The following CCND2 variants were observed in gnomAD, a reference collection of about 807,000 sequenced individuals.
CCND2 encodes the protein cyclin D2.
A neutral mutation model predicts 30.2 loss-of-function variants in CCND2; 6 were observed. The observed-to-expected ratio is 0.20, with a 90% CI of 0.11 to 0.39. The LOEUF (loss-of-function observed/expected upper bound fraction) is 0.39. Among genes scored for constraint, CCND2 ranks in the 10% least tolerant of loss-of-function variants. The probability of loss-of-function intolerance (pLI) is 1.00; values close to 1 mark genes in which losing one functional copy is unlikely to be tolerated. For synonymous variants in CCND2, 150 were observed against 153.1 expected (o/e 0.98, Z 0.15); for missense variants, 235 against 373.4 (o/e 0.63, Z 3.06).
intron 4 of CCND2, chr12:4,297,750 C>T: frequency 3.0e-6 from 1 of 335,582 alleles, no homozygotes; most frequent in Non-Finnish European, 6.3e-6. Flanking sequence ...TATCGTCATT[C>T]ATTCAGCTCA....
intron 4 of CCND2, among the ~76,000 whole-genome samples, chr12:4,290,330 C>T (rs3217863): frequency 0.098 from 14,909 of 152,182 alleles, 1,444 homozygotes; most frequent in East Asian, 0.31. Flanking sequence ...TCCAAACATA[C>T]GCTTTTTAAA....
At chr12:4,298,006 A>G in intron 4 of CCND2, 1 of 245,388 alleles carries the variant, frequency 4.1e-6, no homozygotes, top group Non-Finnish European at 8.8e-6. Flanking sequence ...GCGAATCTAT[A>G]CCTCATTTCA....
At position 4,276,229 on chromosome 12, in the gene CCND2, C is replaced by T. The variant is rs745404167; in HGVS notation, c.411+9C>T. The T allele has an allele frequency of 1.7e-5, 27 of 1,608,578 alleles. No individual in the cohort carries two copies. The highest frequency in any genetic ancestry group is 2.3e-5 in the Non-Finnish European group (27 of 1,175,662). The stretch of plus-strand genomic sequence containing the variant: ...AGCCTCAGGAGCTGCTGGTAATGAC[C>T]GGCCCCTTCCTCCCTTCCTTTCTGC... On this transcript the variant is annotated intron_variant, in intron 2 of 4. Transcript: ENST00000261254. This position sits in a 1 kb window ranked among gnomAD's most constrained non-coding sequence, Gnocchi z 4.8.
rs1428596578 is a variant in CCND2 at position 4,293,910 on chromosome 12, T to C, written c.720+4920T>C. On this transcript the variant is annotated intron_variant, in intron 4 of 4. Coordinates refer to ENST00000261254, the MANE Select transcript of CCND2 (RefSeq NM_001759.4). The surrounding 1 kb of genome is among the most constrained non-coding windows in gnomAD (Gnocchi z 4.9). The stretch of plus-strand genomic sequence containing the variant: ...GGGGAGGTGGAATAGAATCGGGGGC[T>C]GATGCCTCCCTCTCCTGCCTCATTT... Among the ~76,000 whole-genome samples, 1 of 152,172 alleles carries C rather than the reference T, an allele frequency of 6.6e-6. No individual in the cohort carries two copies. Among genetic ancestry groups the C allele is most frequent in the African/African-American group, 2.4e-5 (1 of 41,440 alleles).
At chr12:4,283,364 C>T (rs3217830) in intron 3 of CCND2, among the ~76,000 whole-genome samples, 41,545 of 152,048 alleles carry the variant, frequency 0.27, 6,376 homozygotes, top group Middle Eastern at 0.47. Flanking sequence ...CCACTTCCGA[C>T]GTGAAAGGCT....
rs1009957078 is a variant in CCND2, at chr12:4,302,603, G to A, written c.*2594G>A. The A allele has an allele frequency of 1.3e-5, 3 of 233,090 alleles. No individual in the cohort carries two copies. The highest frequency in any genetic ancestry group is 2.5e-5 in the Non-Finnish European group (3 of 118,048). The allele number at this position is 233,090 out of a possible 1,614,324, so 14.4% of individuals were successfully genotyped here. A position where few individuals can be genotyped will look rare whatever the true frequency, so the allele number is the denominator to read the frequency against. On this transcript the variant is annotated 3_prime_UTR_variant, in exon 5 of 5. Coordinates refer to ENST00000261254, the MANE Select transcript of CCND2 (RefSeq NM_001759.4). ...TTCTCCCTCCTCTGTCTCAAACTGC[G>A]CAGGCAAGCACTATGCAAGCCCAGG...
At chr12:4,294,187 G>T (rs1156407972) in intron 4 of CCND2, among the ~76,000 whole-genome samples, 2 of 151,754 alleles carry the variant, frequency 1.3e-5, no homozygotes, top group Admixed American at 6.6e-5. Context: ...CGCGGAGCTC[G>T]AGCCAGCAAG....
intron 1 of CCND2, 71 bp from the exon 2 acceptor site, chr12:4,275,934 A>T (rs1440686721): frequency 2.1e-6 from 2 of 968,650 alleles, no homozygotes; most frequent in Non-Finnish European, 3.1e-6. Context: ...ACGCTTTTTT[A>T]TTCTTTTTCT....
At position 4,285,928 on chromosome 12, in the gene CCND2, GT is replaced by G. The variant is rs1864017018; in HGVS notation, c.572-2913del. 6.6e-6 allele frequency among the ~76,000 whole-genome samples: 1 copy of G among 152,154 alleles called. No homozygotes were observed. The highest frequency in any genetic ancestry group is 2.4e-5 in the African/African-American group (1 of 41,444). The stretch of plus-strand genomic sequence containing the variant: ...GGCTGCTTTGTGAATTTGCCGGCTG[GT>G]AGACACCGTGATCCATTCTATTGTC... On this transcript the variant is annotated intron_variant, in intron 3 of 4. Coordinates refer to ENST00000261254, the MANE Select transcript of CCND2 (RefSeq NM_001759.4). The surrounding 1 kb of genome is among the most constrained non-coding windows in gnomAD (Gnocchi z 4.1).
chr12:4,295,717 C>T (rs1864160246), intron 4 of CCND2, among the ~76,000 whole-genome samples: 1 of 152,178 alleles, frequency 6.6e-6, no homozygotes, highest in Non-Finnish European at 1.5e-5. Context: ...GTGGAGGTTG[C>T]AGTGAGCCGA....
intron 2 of CCND2, among the ~76,000 whole-genome samples, chr12:4,278,327 A>G (rs1863901007): frequency 6.6e-6 from 1 of 152,182 alleles, no homozygotes; most frequent in Non-Finnish European, 1.5e-5. Flanking sequence ...TTCCATGAAG[A>G]TTAAAAAGAC....
rs759422106 is a variant in CCND2 at position 4,273,991 on chromosome 12, C to T, written c.-50C>T. Reference sequence around the variant, plus strand: ...TTCCAAAAAACAAAAACAGAAAAACCTTTTTCCAGGCCGGGGAAAGCAGGA... The same window carrying T: ...TTCCAAAAAACAAAAACAGAAAAACTTTTTTCCAGGCCGGGGAAAGCAGGA... On this transcript the variant is annotated 5_prime_UTR_variant, in exon 1 of 5. Coordinates refer to ENST00000261254, the MANE Select transcript of CCND2 (RefSeq NM_001759.4). The surrounding 1 kb of genome is among the most constrained non-coding windows in gnomAD (Gnocchi z 5.9). The T allele has an allele frequency of 1.5e-5, 24 of 1,565,932 alleles. No individual in the cohort carries two copies. Among genetic ancestry groups the T allele is most frequent in the Admixed American group, 1.9e-5 (1 of 53,570 alleles).
chr12:4,275,904 T>C (rs1863866290), intron 1 of CCND2, 101 bp from the exon 2 acceptor site: 1 of 768,858 alleles, frequency 1.3e-6, no homozygotes, highest in South Asian at 2.0e-5. Flanking sequence ...AAAAATTAAT[T>C]TTTTTTGTTT....
At chr12:4,291,809 G>A (rs1222867039) in intron 4 of CCND2, among the ~76,000 whole-genome samples, 1 of 152,068 alleles carries the variant, frequency 6.6e-6, no homozygotes, top group Non-Finnish European at 1.5e-5. Flanking sequence ...TATAACATGG[G>A]CGAACCTTGA....
At chr12:4,283,863 G>A (rs1314273462) in intron 3 of CCND2, among the ~76,000 whole-genome samples, 1 of 152,236 alleles carries the variant, frequency 6.6e-6, no homozygotes, top group Non-Finnish European at 1.5e-5. Context: ...GTGTTCATGG[G>A]GTTCTTTTCA....
At chr12:4,294,271 G>A (rs888812008) in intron 4 of CCND2, among the ~76,000 whole-genome samples, 5 of 151,986 alleles carry the variant, frequency 3.3e-5, no homozygotes, top group Admixed American at 2.0e-4. Context: ...GCTTGGGGGC[G>A]GGGGCAGCCA....
At chr12:4,286,140 A>C (rs906462620) in intron 3 of CCND2, among the ~76,000 whole-genome samples, 2 of 152,228 alleles carry the variant, frequency 1.3e-5, no homozygotes, top group African/African-American at 2.4e-5. Flanking sequence ...TCAAACTGAT[A>C]CAAAAGTTTC....
chr12:4,304,036 A>G lies in CCND2; in HGVS notation c.*4027A>G, dbSNP rs1048279900. On this transcript the variant is annotated 3_prime_UTR_variant, in exon 5 of 5. Coordinates refer to ENST00000261254, the MANE Select transcript of CCND2 (RefSeq NM_001759.4). This position sits in a 1 kb window ranked among gnomAD's most constrained non-coding sequence, Gnocchi z 6.2. ...AGTCTAGCACCTCTAGGGCCTCTCC[A>G]GACTGTGCCCTGGGAGCTCTGGGAC... 7 of 233,222 alleles carry G rather than the reference A, an allele frequency of 3.0e-5. No individual in the cohort carries two copies. The highest frequency in any genetic ancestry group is 4.4e-5 in the African/African-American group (2 of 45,342). 14.4% of individuals were successfully genotyped at this position (233,222 alleles called of 1,614,324 possible). A position where few individuals can be genotyped will look rare whatever the true frequency, so the allele number is the denominator to read the frequency against.
At chr12:4,294,932 C>T (rs1487255499) in intron 4 of CCND2, among the ~76,000 whole-genome samples, 1 of 152,236 alleles carries the variant, frequency 6.6e-6, no homozygotes, top group Non-Finnish European at 1.5e-5. Context: ...TGGCTGCCCT[C>T]ATCTCTACCC....
Sources: gnomAD v4.1 joint callset for allele counts (sites outside exome capture counted in the v4.1 genomes callset) on GRCh38, gnomAD v4.1.1 for gene constraint, Gnocchi (gnomAD v3.1) non-coding constraint, MANE v1.5 for transcripts, NCBI Gene and HGNC (gene_info 2026-07-23, HGNC 2026-07-21) for gene names.